DYSF: variants seen among roughly 807,000 people sequenced by gnomAD.
DYSF encodes dysferlin.
In DYSF, 212 loss-of-function variants were observed where a neutral mutation model predicts 274.9. That is an observed-to-expected ratio of 0.77 (90% confidence interval 0.69 to 0.86). The LOEUF is 0.86. DYSF is among the 40% of genes least tolerant of loss of function. DYSF has a pLI of 0.00. For synonymous variants in DYSF, 1,091 were observed against 1,078.7 expected, an observed-to-expected ratio of 1.01 and a Z score of -0.22; for missense variants, 2,666 against 2,783.2, an observed-to-expected ratio of 0.96 and a Z score of 0.95.
chr2:71,542,900 TG>T (rs1253507585), intron 17 of DYSF, among the ~76,000 whole-genome samples: 1 of 151,934 alleles, frequency 6.6e-6, no homozygotes, highest in African/African-American at 2.4e-5. Context: ...ACCTCGCAGA[TG>T]GGGTGGCGGC....
intron 14 of DYSF, among the ~76,000 whole-genome samples, chr2:71,530,507 G>T (rs2088562601): frequency 6.6e-6 from 1 of 152,166 alleles, no homozygotes; most frequent in Admixed American, 6.5e-5. Flanking sequence ...GTGTCTAGGG[G>T]GAGGTGAAAG....
At chr2:71,563,080 C>T (rs765626952) in intron 23 of DYSF, among the ~76,000 whole-genome samples, 1 of 152,186 alleles carries the variant, frequency 6.6e-6, no homozygotes, top group African/African-American at 2.4e-5. Context: ...AGTTCCTGCC[C>T]CCCTGGAACT....
chr2:71,574,696 G>A (rs562941491), intron 30 of DYSF, among the ~76,000 whole-genome samples: 4 of 152,362 alleles, frequency 2.6e-5, no homozygotes, highest in South Asian at 2.1e-4. Context: ...GAAGATGGGC[G>A]AGGAGGCCCA....
chr2:71,539,556 A>G (rs1433177579), intron 17 of DYSF, among the ~76,000 whole-genome samples: 1 of 152,214 alleles, frequency 6.6e-6, no homozygotes, highest in African/African-American at 2.4e-5. Context: ...AGCAGTTTCA[A>G]AAGCTATTGA....
At chr2:71,530,753 C>T (rs185706528) in intron 14 of DYSF, among the ~76,000 whole-genome samples, 192 of 152,264 alleles carry the variant, frequency 1.3e-3, no homozygotes, top group African/African-American at 4.5e-3. Context: ...GTGGCGTCCC[C>T]GCTTCTGCTG....
chr2:71,665,101 C>G (rs929096798), intron 46 of DYSF, 61 bp from the exon 47 acceptor site: 134 of 1,609,422 alleles, frequency 8.3e-5, no homozygotes, highest in Non-Finnish European at 1.0e-4. Flanking sequence ...TCCCTGCATG[C>G]CCCTCTACCC....
intron 32 of DYSF, among the ~76,000 whole-genome samples, chr2:71,595,208 C>G (rs1278508503): frequency 6.6e-6 from 1 of 152,230 alleles, no homozygotes; most frequent in Non-Finnish European, 1.5e-5. Context: ...TTCATCAACT[C>G]TTTGCCCATA....
chr2:71,637,995 A>G (rs1180850429), intron 41 of DYSF, among the ~76,000 whole-genome samples: 1 of 152,082 alleles, frequency 6.6e-6, no homozygotes, highest in Non-Finnish European at 1.5e-5. Context: ...CTGCTGGGGA[A>G]CAGCAGCTGC....
In DYSF at chr2:71,569,867, T is replaced by C. The variant is rs935319567; in HGVS notation, c.2912T>C (p.Val971Ala). The C allele has an allele frequency of 1.2e-6, 2 of 1,614,094 alleles. No individual in the cohort carries two copies. Among genetic ancestry groups the C allele is most frequent in the Non-Finnish European group, 1.7e-6 (2 of 1,180,028 alleles). ...DAGHLSFVEE[V>A]FENQTRLPGG... is the part of the protein sequence containing the mutation. Reference sequence around the variant, plus strand: ...GGTCACCTGAGCTTCGTGGAAGAGGTGTTTGAGAACCAGACCCGGCTTCCC... The same window carrying C: ...GGTCACCTGAGCTTCGTGGAAGAGGCGTTTGAGAACCAGACCCGGCTTCCC... Residue 971 changes from valine (V) to alanine (A), a missense_variant, in exon 27 of 56, where the codon GTG (valine) becomes GCG (alanine). Physicochemically the swap from Val to Ala is moderately conservative, Grantham distance 64. Around this residue, in one of 3 missense-constraint regions of DYSF, gnomAD observed 412 missense variants for 504.0 expected, o/e 0.82. Coordinates refer to ENST00000410020, the MANE Select transcript of DYSF (RefSeq NM_001130987.2).
Position 71,682,680 on chromosome 2 carries a change from G to C in DYSF, c.6321+3G>C. On this transcript the variant is annotated splice_donor_region_variant and intron_variant, in intron 55 of 55. Coordinates refer to ENST00000410020, the MANE Select transcript of DYSF (RefSeq NM_001130987.2). ...CCATCTTCATCTACGCCTTCCCGGT[G>C]AGCAGGCCTGACGACACTGTGGTGG... The C allele has an allele frequency of 6.2e-7, 1 of 1,613,424 alleles. No homozygotes were observed. The highest frequency in any genetic ancestry group is 8.5e-7 in the Non-Finnish European group (1 of 1,179,666).
chr2:71,685,873 ACTGTCAATC>A (rs2095350527), intron 55 of DYSF, among the ~76,000 whole-genome samples: 1 of 152,098 alleles, frequency 6.6e-6, no homozygotes, highest in Non-Finnish European at 1.5e-5. Context: ...AGGGGAGGAT[ACTGTCAATC>A]CTGCAGCAGG....
At chr2:71,502,535 C>T (rs1028734819) in intron 3 of DYSF, among the ~76,000 whole-genome samples, 1 of 152,172 alleles carries the variant, frequency 6.6e-6, no homozygotes, top group Admixed American at 6.5e-5. Context: ...ATAGCTTCCT[C>T]TGCTCTCTTT....
intron 1 of DYSF, among the ~76,000 whole-genome samples, chr2:71,473,231 C>T (rs2082161304): frequency 6.6e-6 from 1 of 152,176 alleles, no homozygotes; most frequent in Non-Finnish European, 1.5e-5. Flanking sequence ...TTGGGGGTGT[C>T]TGTACCAAGA....
chr2:71,643,208 T>C (rs1157795951), intron 41 of DYSF, among the ~76,000 whole-genome samples: 1 of 152,130 alleles, frequency 6.6e-6, no homozygotes. Flanking sequence ...ACACACCATG[T>C]ACAGGAGGAG....
At chr2:71,472,878 A>G (rs369395584) in intron 1 of DYSF, among the ~76,000 whole-genome samples, 12 of 152,156 alleles carry the variant, frequency 7.9e-5, no homozygotes, top group African/African-American at 2.9e-4. Context: ...TTTGTCATAG[A>G]TGTTTCTAGT....
Position 71,645,595 on chromosome 2 carries a change from G to A in DYSF, c.4626+1532G>A, listed in dbSNP as rs1558713615. On this transcript the variant is annotated intron_variant, in intron 42 of 55. Coordinates refer to ENST00000410020, the MANE Select transcript of DYSF (RefSeq NM_001130987.2). Reference sequence around the variant, plus strand: ...GTGTGGCAGGCCAGGATGGTCTTGGGAAATGCAGCATTTGGGCAAGAAAAC... The same window carrying A: ...GTGTGGCAGGCCAGGATGGTCTTGGAAAATGCAGCATTTGGGCAAGAAAAC... Among the ~76,000 whole-genome samples the A allele has an allele frequency of 9.9e-5, 15 of 151,684 alleles. No individual in the cohort carries two copies. In the South Asian group the frequency reaches 3.1e-3, roughly 32 times the overall value.
rs1298183703 is a variant in DYSF, at chr2:71,470,727, TC to T, written c.91+3796del. On this transcript the variant is annotated intron_variant, in intron 1 of 55. Coordinates refer to ENST00000410020, the MANE Select transcript of DYSF (RefSeq NM_001130987.2). Reference sequence around the variant, plus strand: ...CTTTCTCTTCTCTTCCTTCTTTCCTTCCTTCCTTCTTTCCTTCCTTCCTTCC... The same window carrying T: ...CTTTCTCTTCTCTTCCTTCTTTCCTTCTTCCTTCTTTCCTTCCTTCCTTCC... Among the ~76,000 whole-genome samples, 19 of 131,232 alleles carry T rather than the reference TC, an allele frequency of 1.4e-4. No individual in the cohort carries two copies. In the East Asian group the frequency reaches 3.5e-3, roughly 24 times the overall value. 86.1% of individuals were successfully genotyped at this position (131,232 alleles called of 152,430 possible).
chr2:71,549,242 C>A, intron 17 of DYSF: 1 of 1,102,898 alleles, frequency 9.1e-7, no homozygotes, highest in South Asian at 1.3e-5. Context: ...CGGGAGCTGT[C>A]TTTCCATCTG....
At chr2:71,498,225 C>G (rs1293916571) in intron 3 of DYSF, among the ~76,000 whole-genome samples, 1 of 152,212 alleles carries the variant, frequency 6.6e-6, no homozygotes, top group Non-Finnish European at 1.5e-5. Context: ...GGCACTGGCT[C>G]TATCAGCTTT....
Sources: gnomAD v4.1 joint callset for allele counts (sites outside exome capture counted in the v4.1 genomes callset) on GRCh38, gnomAD v4.1.1 for gene constraint, gnomAD v4.1.1 regional missense constraint, MANE v1.5 for transcripts, NCBI Gene and HGNC (gene_info 2026-07-23, HGNC 2026-07-21) for gene names.